Variants in NAV2 observed in about 807,000 individuals in gnomAD.
NAV2 encodes helicase, APC down-regulated 1.
In NAV2, 54 loss-of-function variants were observed where a neutral mutation model predicts 223.2. The ratio of observed to expected loss-of-function variants is 0.24; its 90% CI spans 0.19 to 0.30. The LOEUF is 0.30. Among genes scored for constraint, NAV2 ranks in the 10% least tolerant of loss-of-function variants. The pLI is 1.00. For missense variants in NAV2, 2,806 were observed against 3,147.5 expected (o/e 0.89, Z 2.60); for synonymous variants, 1,279 against 1,239.3 (o/e 1.03, Z -0.67).
intron 1 of NAV2, among the ~76,000 whole-genome samples, chr11:19,768,603 G>C (rs1474133082): frequency 3.3e-5 from 5 of 152,184 alleles, no homozygotes; most frequent in African/African-American, 1.2e-4. Context: ...TCTTGAGGCA[G>C]GCTAGTTCTA....
At chr11:19,963,150 C>T (rs766572443) in intron 10 of NAV2, among the ~76,000 whole-genome samples, 4 of 152,196 alleles carry the variant, frequency 2.6e-5, no homozygotes, top group Admixed American at 6.5e-5. Context: ...AATTCATAGT[C>T]GCTAACTGCT....
chr11:20,062,393 A>G (rs770967645), intron 20 of NAV2, 34 bp downstream of exon 20: 3 of 1,543,138 alleles, frequency 1.9e-6, no homozygotes, highest in Non-Finnish European at 1.8e-6. Context: ...GGCTGTGATC[A>G]TGAGAACTGG....
At chr11:19,859,567 G>C (rs1195754318) in intron 3 of NAV2, among the ~76,000 whole-genome samples, 1 of 151,776 alleles carries the variant, frequency 6.6e-6, no homozygotes. Flanking sequence ...GCAACCATCC[G>C]ATTTCTCAAT....
chr11:19,519,229 C>T (rs2043563562), intron 1 of NAV2, among the ~76,000 whole-genome samples: 1 of 152,174 alleles, frequency 6.6e-6, no homozygotes, highest in Admixed American at 6.5e-5. Context: ...TGCCTTCTAC[C>T]ACCAAATACC....
chr11:19,839,897 G>T (rs1373339611), intron 2 of NAV2, among the ~76,000 whole-genome samples: 1 of 152,218 alleles, frequency 6.6e-6, no homozygotes. Context: ...TCACAGATGA[G>T]GACTTTGGGG....
In NAV2 at chr11:19,964,809, CTTTTTTTTTTTT is replaced by C. The variant is rs71050695; in HGVS notation, c.2645+15745_2645+15756del. 2.1e-3 allele frequency among the ~76,000 whole-genome samples: 123 copies of C among 57,552 alleles called. 2 individuals are homozygous for C. The highest frequency in any genetic ancestry group is 3.3e-3 in the Non-Finnish European group (102 of 31,092). The allele number at this position is 57,552 out of a possible 152,430, so 37.8% of individuals were successfully genotyped here. ...AGCCACCACAGCTGGCCTCATTCTA[CTTTTTTTTTTTT>C]TTTTTTTTTTTTTTTGAGATGGAGT... is the stretch of plus-strand genomic sequence containing the variant. On this transcript the variant is annotated intron_variant, in intron 10 of 37. Transcript: ENST00000349880.
intron 1 of NAV2, among the ~76,000 whole-genome samples, chr11:19,470,810 C>T (rs545629235): frequency 1.3e-5 from 2 of 152,258 alleles, no homozygotes; most frequent in Admixed American, 1.3e-4. Flanking sequence ...ATAAGGGGCT[C>T]CCTTGGCTTT....
At chr11:19,971,479 C>A (rs1211639765) in intron 10 of NAV2, among the ~76,000 whole-genome samples, 1 of 152,132 alleles carries the variant, frequency 6.6e-6, no homozygotes, top group Non-Finnish European at 1.5e-5. Context: ...TGTGAGATTT[C>A]CCTTTCCTGG....
chr11:19,969,871 G>A lies in NAV2; in HGVS notation c.2646-14254G>A, dbSNP rs190753822. On this transcript the variant is annotated intron_variant, in intron 10 of 37. Transcript: ENST00000349880. ...TGAGGCAGGAGAATGGCGTGAACCC[G>A]GGAGGCGGAGCTTGCAGTGAGCCGA... Among the ~76,000 whole-genome samples the A allele has an allele frequency of 4.2e-3, 640 of 151,850 alleles. 7 individuals are homozygous for A. Among genetic ancestry groups the A allele is most frequent in the Non-Finnish European group, 6.0e-3 (409 of 67,922 alleles).
chr11:19,880,884 G>C (rs966949670), intron 5 of NAV2, among the ~76,000 whole-genome samples: 1 of 152,164 alleles, frequency 6.6e-6, no homozygotes, highest in Non-Finnish European at 1.5e-5. Flanking sequence ...TAGAGTTTTT[G>C]ACTTGAGGTC....
chr11:19,860,391 C>G (rs372896863), intron 3 of NAV2, among the ~76,000 whole-genome samples: 3 of 140,262 alleles, frequency 2.1e-5, no homozygotes, highest in African/African-American at 8.0e-5. Context: ...ACATCCCGGA[C>G]GGGGCGACAG....
At chr11:19,653,033 A>C (rs1288016297) in intron 1 of NAV2, among the ~76,000 whole-genome samples, 1 of 151,990 alleles carries the variant, frequency 6.6e-6, no homozygotes, top group African/African-American at 2.4e-5. Context: ...CACAGACCCC[A>C]ACTATGAACA....
chr11:19,562,310 C>G (rs922061369), intron 1 of NAV2, among the ~76,000 whole-genome samples: 8 of 152,138 alleles, frequency 5.3e-5, no homozygotes, highest in East Asian at 3.9e-4. Flanking sequence ...GACCACCAAC[C>G]CTTTGGGGCA....
At chr11:19,882,967 T>A (rs188938144) in intron 5 of NAV2, among the ~76,000 whole-genome samples, 1 of 152,316 alleles carries the variant, frequency 6.6e-6, no homozygotes, top group East Asian at 1.9e-4. Context: ...TGCTATCCCA[T>A]GCTAACACTC....
rs1022564331 is a variant in NAV2, at chr11:20,045,440, C to G, written c.3672C>G (p.Gly1224=). ...IDSNISSKSA[G]LPVPKLREPS... is the part of the protein sequence containing the mutation. Reference sequence around the variant, plus strand: ...CCAACATTAGCAGCAAGTCCGCAGGCCTGCCAGTGCCCAAACTGAGGGAGC... The same window carrying G: ...CCAACATTAGCAGCAAGTCCGCAGGGCTGCCAGTGCCCAAACTGAGGGAGC... Residue 1224 remains glycine, a synonymous_variant, in exon 14 of 38, where the codon GGC becomes GGG. Coordinates refer to ENST00000349880, the MANE Select transcript of NAV2 (RefSeq NM_145117.5). The G allele has an allele frequency of 8.1e-6, 13 of 1,614,064 alleles. No homozygotes were observed. In the African/African-American group the frequency reaches 1.7e-4, roughly 22 times the overall value.
At chr11:19,580,404 G>T (rs1340576194) in intron 1 of NAV2, among the ~76,000 whole-genome samples, 1 of 151,940 alleles carries the variant, frequency 6.6e-6, no homozygotes, top group African/African-American at 2.4e-5. Context: ...CCAAGATCAA[G>T]GGGCCCCATT....
chr11:19,523,893 C>G (rs527830270), intron 1 of NAV2, among the ~76,000 whole-genome samples: 31 of 152,336 alleles, frequency 2.0e-4, no homozygotes, highest in African/African-American at 7.2e-4. Context: ...TACCTCCTGG[C>G]CTCTCTGTTT....
chr11:20,014,140 G>A lies in NAV2; in HGVS notation c.2769-21819G>A, dbSNP rs2153517284. ...TCTGCCTAGGGGCTGCCAATGATGAGCACCTACAAGTTTCCTCTCCAATCC... is the reference window on the plus strand; with the variant it reads ...TCTGCCTAGGGGCTGCCAATGATGAACACCTACAAGTTTCCTCTCCAATCC... On this transcript the variant is annotated intron_variant, in intron 11 of 37. Coordinates refer to ENST00000349880, the MANE Select transcript of NAV2 (RefSeq NM_145117.5). Among the ~76,000 whole-genome samples, 4 of 152,262 alleles carry A rather than the reference G, an allele frequency of 2.6e-5. No homozygotes were observed. The South Asian group carries it at 8.3e-4, about 32-fold the overall frequency.
intron 11 of NAV2, among the ~76,000 whole-genome samples, chr11:20,025,211 AAG>A (rs1364004307): frequency 6.6e-6 from 1 of 152,204 alleles, no homozygotes; most frequent in African/African-American, 2.4e-5. Context: ...TGTGCCTGAT[AAG>A]AAAGTGGAGA....
Sources: allele counts gnomAD v4.1 joint callset (sites outside exome capture counted in the v4.1 genomes callset), GRCh38; gene constraint gnomAD v4.1.1; transcripts MANE v1.5; gene names NCBI Gene and HGNC (gene_info 2026-07-23, HGNC 2026-07-21).